The following VPS8 variants were observed in gnomAD, a reference collection of about 807,000 sequenced individuals.
The protein encoded by VPS8 is vacuolar protein sorting-associated protein 8 homolog.
In VPS8, 129 loss-of-function variants were observed where a neutral mutation model predicts 216.4. The observed-to-expected ratio is 0.60, with a 90% CI of 0.52 to 0.69. The LOEUF (loss-of-function observed/expected upper bound fraction) is 0.69. VPS8 is among the 30% of genes least tolerant of loss of function. The pLI is 0.00. For missense variants in VPS8, 1,531 were observed against 1,683.5 expected, an observed-to-expected ratio of 0.91 and a Z score of 1.59; for synonymous variants, 571 against 565.4, an observed-to-expected ratio of 1.01 and a Z score of -0.14.
chr3:184,872,966 A>G (rs929407510), intron 21 of VPS8, among the ~76,000 whole-genome samples: 5 of 152,168 alleles, frequency 3.3e-5, no homozygotes, highest in Non-Finnish European at 5.9e-5. Context: ...GATACATACC[A>G]GAAGTATCAT....
intron 30 of VPS8, among the ~76,000 whole-genome samples, chr3:184,925,766 C>G (rs761313743): frequency 5.0e-4 from 74 of 149,394 alleles, no homozygotes; most frequent in Non-Finnish European, 8.4e-4. Context: ...TTTCTTTTCT[C>G]TCTCTATTTT....
intron 44 of VPS8, among the ~76,000 whole-genome samples, chr3:184,998,541 C>CGA (rs368578170): frequency 3.6e-4 from 24 of 66,670 alleles, no homozygotes; most frequent in Non-Finnish European, 4.9e-4. Flanking sequence ...ATATATATAG[C>CGA]GAGAGAGAGA....
At chr3:184,992,042 T>A (rs1577083483) in intron 42 of VPS8, among the ~76,000 whole-genome samples, 1 of 152,200 alleles carries the variant, frequency 6.6e-6, no homozygotes, top group South Asian at 2.1e-4. Context: ...ACCCTAGCAG[T>A]TGAAGAGTCC....
intron 21 of VPS8, among the ~76,000 whole-genome samples, chr3:184,881,016 A>T (rs1338052936): frequency 6.6e-6 from 1 of 152,122 alleles, no homozygotes; most frequent in African/African-American, 2.4e-5. Context: ...ATTGTTTCTC[A>T]TCATACTGTT....
At chr3:184,996,613 C>A (rs1261036348) in intron 44 of VPS8, 112 bp downstream of exon 44, 7 of 1,239,904 alleles carry the variant, frequency 5.6e-6, no homozygotes, top group Non-Finnish European at 5.5e-6. Context: ...ACGTGATAGG[C>A]AAGTTCCTGC....
chr3:184,848,408 C>T (rs562918193), intron 8 of VPS8, among the ~76,000 whole-genome samples: 3 of 152,030 alleles, frequency 2.0e-5, no homozygotes, highest in South Asian at 4.2e-4. Context: ...ATGGTATTCC[C>T]GATAACTTTG....
chr3:184,900,846 T>A, intron 24 of VPS8, 75 bp from the exon 25 acceptor site: 1 of 1,290,522 alleles, frequency 7.7e-7, no homozygotes, highest in East Asian at 2.3e-5. Context: ...TGGTGATGAA[T>A]AGCATAAGAT....
chr3:185,042,723 A>T (rs920821673), intron 46 of VPS8, among the ~76,000 whole-genome samples: 1 of 152,200 alleles, frequency 6.6e-6, no homozygotes, highest in African/African-American at 2.4e-5. Context: ...CCTCTCATGA[A>T]TTTGACCAAG....
chr3:184,896,298 C>A (rs1306566930), intron 23 of VPS8, among the ~76,000 whole-genome samples: 2 of 152,068 alleles, frequency 1.3e-5, no homozygotes, highest in African/African-American at 4.8e-5. Flanking sequence ...AATTTAATTT[C>A]TTCTATTTAT....
chr3:184,836,158 T>C, intron 5 of VPS8: 1 of 417,032 alleles, frequency 2.4e-6, no homozygotes, highest in Admixed American at 3.0e-5. Context: ...TGGGGTATCC[T>C]GACCTAGCTC....
chr3:185,030,067 A>G (rs1254230912), intron 46 of VPS8, among the ~76,000 whole-genome samples: 1 of 152,226 alleles, frequency 6.6e-6, no homozygotes, highest in African/African-American at 2.4e-5. Flanking sequence ...TTGATCATGT[A>G]TGACCAGAAA....
At chr3:185,001,161 A>C (rs146035685) in intron 45 of VPS8, among the ~76,000 whole-genome samples, 20 of 152,318 alleles carry the variant, frequency 1.3e-4, no homozygotes, top group African/African-American at 4.6e-4. Flanking sequence ...AGGATTTTTA[A>C]CAGAGTACTC....
At chr3:184,847,613 AATATGGTGTTTTT>A (rs1723383196) in intron 8 of VPS8, among the ~76,000 whole-genome samples, 1 of 152,198 alleles carries the variant, frequency 6.6e-6, no homozygotes, top group African/African-American at 2.4e-5. Context: ...AAGTTGTGGA[AATATGGTGTTTTT>A]TGCATTTTTC....
chr3:184,936,760 T>TG (rs986527495), intron 35 of VPS8, among the ~76,000 whole-genome samples: 7 of 151,318 alleles, frequency 4.6e-5, no homozygotes, highest in African/African-American at 1.7e-4. Context: ...TTTTTTGAGA[T>TG]GGAGTCTCGC....
chr3:184,876,188 C>T (rs1729242181), intron 21 of VPS8, among the ~76,000 whole-genome samples: 1 of 152,104 alleles, frequency 6.6e-6, no homozygotes. Context: ...TTCCCTACCT[C>T]TCTGACTGCT....
intron 37 of VPS8, among the ~76,000 whole-genome samples, chr3:184,960,518 A>T (rs1197260147): frequency 2.6e-5 from 4 of 152,158 alleles, no homozygotes; most frequent in Admixed American, 2.6e-4. Flanking sequence ...GATTTCTAGG[A>T]ATCTCATAGA....
intron 35 of VPS8, 22 bp from the exon 36 acceptor site, chr3:184,940,175 T>C: frequency 6.9e-7 from 1 of 1,440,554 alleles, no homozygotes. Flanking sequence ...TTAATTGTAA[T>C]TTTTATTGTT....
chr3:184,901,121 AG>A, intron 25 of VPS8, 149 bp downstream of exon 25: 1 of 696,794 alleles, frequency 1.4e-6, no homozygotes, highest in South Asian at 1.9e-5. Context: ...CTGCAGAAGG[AG>A]CCATAGCTTC....
chr3:184,899,014 A>C (rs957842241), intron 24 of VPS8, among the ~76,000 whole-genome samples: 1 of 152,198 alleles, frequency 6.6e-6, no homozygotes, highest in Non-Finnish European at 1.5e-5. Context: ...ATTTTATATA[A>C]TCAATGTACT....
Sources: gnomAD v4.1 joint callset for allele counts (sites outside exome capture counted in the v4.1 genomes callset) on GRCh38, gnomAD v4.1.1 for gene constraint, MANE v1.5 for transcripts, NCBI Gene and HGNC (gene_info 2026-07-23, HGNC 2026-07-21) for gene names.